The following CCDC38 variants were observed in gnomAD, a reference collection of about 807,000 sequenced individuals.
CCDC38 encodes coiled-coil domain-containing protein 38.
In CCDC38, 69 loss-of-function variants were observed where a neutral mutation model predicts 72.8. That is an observed-to-expected ratio of 0.95 (90% CI 0.78 to 1.16). The LOEUF is 1.16. Among genes scored for constraint, CCDC38 ranks in the 50% most tolerant of loss-of-function variants. CCDC38 has a pLI of 0.00. For missense variants in CCDC38, 626 were observed against 638.9 expected (o/e 0.98, Z 0.22); for synonymous variants, 201 against 213.2 (o/e 0.94, Z 0.50).
In CCDC38 at chr12:95,898,678, T is replaced by G; in HGVS notation, c.423A>C (p.Ala141=). ...CTTTTTTTAGTTGCCGTTCCCTCAT[T>G]GCTATGTCTTTTTCAAACTTTTTGA... The part of the protein sequence containing the change: ...NTIKKFEKDI[A]MRERQLKKAE... The change falls in exon 6 of 16, where the codon GCA becomes GCC. Residue 141 remains alanine, a synonymous_variant. Coordinates refer to ENST00000344280, the MANE Select transcript of CCDC38 (RefSeq NM_182496.3). The G allele has an allele frequency of 6.2e-7, 1 of 1,614,190 alleles. No individual in the cohort carries two copies. The highest frequency in any genetic ancestry group is 8.5e-7 in the Non-Finnish European group (1 of 1,180,026).
chr12:95,869,803 A>C, intron 14 of CCDC38: 1 of 446,486 alleles, frequency 2.2e-6, no homozygotes, highest in Non-Finnish European at 3.9e-6. Flanking sequence ...AATATAAAAT[A>C]TACCCAGATC....
chr12:95,905,677 T>G (rs1166722877), intron 5 of CCDC38, among the ~76,000 whole-genome samples: 1 of 152,260 alleles, frequency 6.6e-6, no homozygotes, highest in Non-Finnish European at 1.5e-5. Context: ...TCAACATCTT[T>G]AGATTATTAG....
intron 15 of CCDC38, among the ~76,000 whole-genome samples, chr12:95,868,450 T>C (rs1346561391): frequency 6.6e-6 from 1 of 152,212 alleles, no homozygotes. Flanking sequence ...ATGGAAAGAA[T>C]TGAACTAGAT....
At chr12:95,890,153 C>T (rs527938867) in intron 9 of CCDC38, among the ~76,000 whole-genome samples, 1 of 152,276 alleles carries the variant, frequency 6.6e-6, no homozygotes, top group Non-Finnish European at 1.5e-5. Context: ...CTCAAGTGAT[C>T]CACCTGCCTC....
rs766303443 is a variant in CCDC38, at chr12:95,878,333, C to G, written c.1156G>C (p.Glu386Gln). The change falls in exon 13 of 16, where the codon GAG becomes CAG. Residue 386 changes from glutamate to glutamine, a missense_variant. By Grantham distance (29) the Glu-to-Gln change is conservative (BLOSUM62 2). Transcript: ENST00000344280. ...ATTTTTTCTTGCTCCAAAAGAAACTCTATGTTGCTATTTCTATTACAAAAG... is the reference window on the plus strand; with the variant it reads ...ATTTTTTCTTGCTCCAAAAGAAACTGTATGTTGCTATTTCTATTACAAAAG... The part of the protein sequence containing the change: ...VIQDKTNSNI[E>Q]FLLEQEKMLK... The G allele has an allele frequency of 7.4e-6, 12 of 1,611,564 alleles. No individual in the cohort carries two copies. Among genetic ancestry groups the G allele is most frequent in the Non-Finnish European group, 1.0e-5 (12 of 1,179,278 alleles).
At chr12:95,908,354 C>A (rs776442568) in intron 4 of CCDC38, among the ~76,000 whole-genome samples, 2 of 147,822 alleles carry the variant, frequency 1.4e-5, no homozygotes, top group Non-Finnish European at 3.0e-5. Flanking sequence ...CGCAGGCACT[C>A]GGCAGGCTGA....
intron 2 of CCDC38, among the ~76,000 whole-genome samples, chr12:95,923,187 A>T (rs1478690991): frequency 6.6e-6 from 1 of 152,112 alleles, no homozygotes; most frequent in Non-Finnish European, 1.5e-5. Flanking sequence ...GTCTGACTGA[A>T]TTACATCACC....
At chr12:95,927,319 T>C (rs1403801537) in intron 2 of CCDC38, among the ~76,000 whole-genome samples, 1 of 151,806 alleles carries the variant, frequency 6.6e-6, no homozygotes, top group African/African-American at 2.4e-5. Flanking sequence ...TTTTGATCTT[T>C]GTTGGTTTAA....
chr12:95,923,218 G>A (rs557113433), intron 2 of CCDC38, among the ~76,000 whole-genome samples: 25 of 152,152 alleles, frequency 1.6e-4, no homozygotes, highest in African/African-American at 5.8e-4. Flanking sequence ...GGTCTCCAGC[G>A]TATAGATGGC....
chr12:95,874,958 TCTC>T (rs1471062423), intron 13 of CCDC38, among the ~76,000 whole-genome samples: 2 of 152,266 alleles, frequency 1.3e-5, no homozygotes, highest in East Asian at 1.9e-4. Flanking sequence ...CAGCTGATCT[TCTC>T]CTTGTGCAAA....
At chr12:95,940,515 G>A (rs2080437912) in intron 1 of CCDC38, among the ~76,000 whole-genome samples, 1 of 152,164 alleles carries the variant, frequency 6.6e-6, no homozygotes, top group Non-Finnish European at 1.5e-5. Context: ...AAAAAGCAAT[G>A]TTTATCTTCA....
At position 95,869,518 on chromosome 12, in the gene CCDC38, C is replaced by T. The variant is rs1419779826; in HGVS notation, c.1540G>A (p.Ala514Thr). 1 of 1,613,624 alleles carries T rather than the reference C, an allele frequency of 6.2e-7. No homozygotes were observed. The highest frequency in any genetic ancestry group is 1.7e-5 in the Admixed American group (1 of 59,978). ...KQRHQQERLK[A>T]ALEKAVAQPK... ...TGTGCTACTGCTTTTTCCAGAGCAG[C>T]TTTTAGCCTTTCCTGTTGGTGTCTT... Residue 514 changes from alanine to threonine, a missense_variant, in exon 15 of 16, where the codon GCT becomes ACT. By Grantham distance (58) the Ala-to-Thr change is moderately conservative. Transcript: ENST00000344280.
At chr12:95,876,623 C>T (rs1394083227) in intron 13 of CCDC38, among the ~76,000 whole-genome samples, 2 of 152,102 alleles carry the variant, frequency 1.3e-5, no homozygotes, top group African/African-American at 4.8e-5. Context: ...TGGCTATCAT[C>T]ACACCTCTTG....
chr12:95,940,886 ACAAAC>A (rs1297191188), intron 1 of CCDC38, among the ~76,000 whole-genome samples: 24 of 80,356 alleles, frequency 3.0e-4, no homozygotes, highest in African/African-American at 7.2e-4. Flanking sequence ...AAACAAACAA[ACAAAC>A]AAAAAAAAAA....
chr12:95,933,914 A>C (rs1270029460), intron 2 of CCDC38: 1 of 152,124 alleles, frequency 6.6e-6, no homozygotes, highest in Non-Finnish European at 1.5e-5. Flanking sequence ...ATGGTGGCTC[A>C]CTCCTGTAAT....
At chr12:95,869,426 T>C (rs762708285) in intron 15 of CCDC38, 54 bp downstream of exon 15, 21 of 1,324,794 alleles carry the variant, frequency 1.6e-5, no homozygotes, top group Non-Finnish European at 2.2e-5. Context: ...TATTTTGTTT[T>C]TGTATTTTGT....
chr12:95,911,757 T>C (rs940435249), intron 4 of CCDC38, among the ~76,000 whole-genome samples: 2 of 152,206 alleles, frequency 1.3e-5, no homozygotes, highest in African/African-American at 4.8e-5. Flanking sequence ...GCTTATACAT[T>C]GTTGATGGGA....
At chr12:95,875,178 C>T (rs1040417622) in intron 13 of CCDC38, among the ~76,000 whole-genome samples, 2 of 151,888 alleles carry the variant, frequency 1.3e-5, no homozygotes, top group Non-Finnish European at 2.9e-5. Context: ...TGATTGATGG[C>T]ATGAGACGTC....
chr12:95,914,098 T>C (rs1214105409), intron 4 of CCDC38, among the ~76,000 whole-genome samples: 6 of 152,164 alleles, frequency 3.9e-5, no homozygotes, highest in Admixed American at 3.9e-4. Flanking sequence ...CCGAGGCAGG[T>C]GGATTACTTC....
Sources: allele counts gnomAD v4.1 joint callset (sites outside exome capture counted in the v4.1 genomes callset), GRCh38; gene constraint gnomAD v4.1.1; transcripts MANE v1.5; gene names NCBI Gene and HGNC (gene_info 2026-07-23, HGNC 2026-07-21).